Variants in ARHGEF12 observed in about 807,000 individuals in gnomAD.
ARHGEF12 encodes the protein KMT2A/ARHGEF12 fusion protein.
ARHGEF12 carries 66 observed loss-of-function variants against 211.2 expected under a neutral mutation model. That is an observed-to-expected ratio of 0.31 (90% CI 0.26 to 0.38). ARHGEF12 has a LOEUF of 0.38. ARHGEF12 is among the 10% of genes least tolerant of loss of function. The pLI, the probability that ARHGEF12 is intolerant of heterozygous loss-of-function variation, is 1.00. For missense variants in ARHGEF12, 1,429 were observed against 1,869.5 expected (o/e 0.76, Z 4.34); for synonymous variants, 592 against 638.4 (o/e 0.93, Z 1.09).
rs757754693 is a variant in ARHGEF12 at position 120,407,757 on chromosome 11, C to T, written c.76C>T (p.Arg26Ter). 4 of 1,612,850 alleles carry T rather than the reference C, an allele frequency of 2.5e-6. No homozygotes were observed. Among genetic ancestry groups the T allele is most frequent in the African/African-American group, 1.3e-5 (1 of 74,844 alleles). The change falls in exon 3 of 41, where the codon CGA becomes TGA. Residue 26 changes from arginine to a stop codon, truncating the protein, a stop_gained. Coordinates refer to ENST00000397843, the MANE Select transcript of ARHGEF12 (RefSeq NM_015313.3). LOFTEE classifies it high-confidence loss of function. ...KPIRHGSILN[R>*]ESPTDKKQKV... ...ATTTAGGCATGGAAGTATTTTGAAC[C>T]GAGAGTCACCAACAGATAAGAAGCA...
intron 4 of ARHGEF12, among the ~76,000 whole-genome samples, chr11:120,412,439 G>A (rs1469627238): frequency 6.6e-6 from 1 of 152,256 alleles, no homozygotes; most frequent in African/African-American, 2.4e-5. Flanking sequence ...CAGGATGTCA[G>A]TGTGATCAGG....
chr11:120,456,090 G>A (rs947369078), intron 22 of ARHGEF12, among the ~76,000 whole-genome samples: 7 of 152,092 alleles, frequency 4.6e-5, no homozygotes, highest in African/African-American at 1.7e-4. Context: ...TGTAGTAGAC[G>A]ACAGTATATA....
intron 1 of ARHGEF12, among the ~76,000 whole-genome samples, chr11:120,342,037 G>A (rs915125106): frequency 6.6e-6 from 1 of 152,116 alleles, no homozygotes; most frequent in African/African-American, 2.4e-5. Context: ...TACAGTTTAA[G>A]TCAAGATTTT....
chr11:120,427,438 C>T (rs920634269), intron 7 of ARHGEF12, among the ~76,000 whole-genome samples: 2 of 152,014 alleles, frequency 1.3e-5, no homozygotes, highest in East Asian at 3.8e-4. Context: ...TGCTGTGTCT[C>T]ACACCTCTAA....
intron 4 of ARHGEF12, chr11:120,410,571 A>C (rs1271552256): frequency 6.6e-6 from 1 of 152,004 alleles, no homozygotes; most frequent in Non-Finnish European, 1.5e-5. Flanking sequence ...ACATTTGATA[A>C]TTCACATCTG....
chr11:120,380,537 T>C (rs1301789639), intron 1 of ARHGEF12, among the ~76,000 whole-genome samples: 1 of 152,192 alleles, frequency 6.6e-6, no homozygotes, highest in Non-Finnish European at 1.5e-5. Context: ...CCAGTCTGCG[T>C]TTGCTGCTGT....
chr11:120,347,143 C>CTTT (rs1565416818), intron 1 of ARHGEF12, among the ~76,000 whole-genome samples: 3 of 46,210 alleles, frequency 6.5e-5, no homozygotes, highest in Non-Finnish European at 1.2e-4. Context: ...TTCCTTCCTT[C>CTTT]CTTCCTTCCT....
At chr11:120,420,980 T>A in intron 5 of ARHGEF12, 129 bp downstream of exon 5, 1 of 759,486 alleles carries the variant, frequency 1.3e-6, no homozygotes. Flanking sequence ...TGTGCTAGAT[T>A]CGTCTATCAT....
At chr11:120,459,426 G>A (rs1474242097) in intron 26 of ARHGEF12, 106 bp downstream of exon 26, 16 of 1,186,554 alleles carry the variant, frequency 1.3e-5, no homozygotes, top group Non-Finnish European at 1.9e-5. Flanking sequence ...CTGAGATTAT[G>A]TGTGAGAATG....
At chr11:120,389,609 A>G (rs534764461) in intron 1 of ARHGEF12, among the ~76,000 whole-genome samples, 18 of 152,218 alleles carry the variant, frequency 1.2e-4, no homozygotes, top group Non-Finnish European at 2.1e-4. Flanking sequence ...TGTTACAAAC[A>G]ATCCAGTTGT....
At chr11:120,358,605 T>A (rs1227382458) in intron 1 of ARHGEF12, among the ~76,000 whole-genome samples, 7 of 152,162 alleles carry the variant, frequency 4.6e-5, no homozygotes. Context: ...AAGACAAATG[T>A]GGCTATTTAC....
intron 1 of ARHGEF12, among the ~76,000 whole-genome samples, chr11:120,341,848 A>G (rs1267506692): frequency 6.6e-6 from 1 of 152,240 alleles, no homozygotes; most frequent in African/African-American, 2.4e-5. Context: ...TTTTCAAAAT[A>G]GTGCCATGTG....
intron 22 of ARHGEF12, among the ~76,000 whole-genome samples, chr11:120,456,796 C>G (rs891491283): frequency 2.0e-5 from 3 of 152,278 alleles, no homozygotes; most frequent in African/African-American, 7.2e-5. Flanking sequence ...GAATTCAAGA[C>G]TAGCCTGGGC....
chr11:120,476,609 C>G, intron 33 of ARHGEF12, 52 bp from the exon 34 acceptor site: 1 of 1,408,466 alleles, frequency 7.1e-7, no homozygotes, highest in Non-Finnish European at 9.8e-7. Context: ...AAACATCCCT[C>G]ATGGCCTCCC....
intron 19 of ARHGEF12, among the ~76,000 whole-genome samples, 156 bp downstream of exon 19, chr11:120,448,062 T>C (rs1268076413): frequency 3.9e-5 from 6 of 152,324 alleles, no homozygotes; most frequent in Admixed American, 3.9e-4. Flanking sequence ...AATATTCTAC[T>C]GTTGTCCTGA....
intron 11 of ARHGEF12, among the ~76,000 whole-genome samples, chr11:120,434,032 A>G (rs1378710695): frequency 1.3e-5 from 2 of 152,192 alleles, no homozygotes; most frequent in African/African-American, 2.4e-5. Context: ...ACTGTTTGAC[A>G]TGTAATTGAT....
At chr11:120,415,779 G>A (rs1362435497) in intron 4 of ARHGEF12, among the ~76,000 whole-genome samples, 3 of 152,110 alleles carry the variant, frequency 2.0e-5, no homozygotes, top group Admixed American at 2.0e-4. Flanking sequence ...CAGATAGACA[G>A]GACAGAATAG....
At chr11:120,361,920 A>G (rs892530393) in intron 1 of ARHGEF12, among the ~76,000 whole-genome samples, 6 of 152,228 alleles carry the variant, frequency 3.9e-5, no homozygotes, top group African/African-American at 1.4e-4. Context: ...CTGCAGCTCA[A>G]AAGGATGCAT....
intron 1 of ARHGEF12, among the ~76,000 whole-genome samples, chr11:120,373,479 C>G (rs991996108): frequency 1.3e-5 from 2 of 152,138 alleles, no homozygotes; most frequent in African/African-American, 4.8e-5. Flanking sequence ...CTGCTGTGTT[C>G]CCAACACCTA....
Sources: allele counts gnomAD v4.1 joint callset (sites outside exome capture counted in the v4.1 genomes callset), GRCh38; gene constraint gnomAD v4.1.1; transcripts MANE v1.5; gene names NCBI Gene and HGNC (gene_info 2026-07-23, HGNC 2026-07-21).